The following DYNC1H1 variants were observed in gnomAD, a reference collection of about 807,000 sequenced individuals.
DYNC1H1 encodes the protein cytoplasmic dynein 1 heavy chain 1.
A neutral mutation model predicts 527.1 loss-of-function variants in DYNC1H1; 51 were observed. That is an observed-to-expected ratio of 0.10 (90% confidence interval 0.08 to 0.12). The LOEUF (loss-of-function observed/expected upper bound fraction) is 0.12. Ranked by LOEUF, DYNC1H1 falls within the 10% of genes least tolerant of loss-of-function variation. The pLI is 1.00. For missense variants in DYNC1H1, 2,771 were observed against 5,971.8 expected, an observed-to-expected ratio of 0.46 and a Z score of 17.66; for synonymous variants, 2,189 against 2,278.8, an observed-to-expected ratio of 0.96 and a Z score of 1.12.
chr14:101,984,397 A>ATGTGTG (rs1277013282), intron 7 of DYNC1H1, among the ~76,000 whole-genome samples: 16 of 90,004 alleles, frequency 1.8e-4, no homozygotes, highest in African/African-American at 3.0e-4. Context: ...ATATATGCGT[A>ATGTGTG]TATATGTGTG....
In DYNC1H1 at chr14:102,025,236, C is replaced by G. The variant is rs530069822; in HGVS notation, c.8638-1338C>G. On this transcript the variant is annotated intron_variant, in intron 43 of 77. Transcript: ENST00000360184. ...CCTTACCAACATGGTGAAAACCCATCTCTACTAAAAATACAAAAATTAGCC... is the reference window on the plus strand; with the variant it reads ...CCTTACCAACATGGTGAAAACCCATGTCTACTAAAAATACAAAAATTAGCC... Among the ~76,000 whole-genome samples the G allele has an allele frequency of 1.6e-4, 25 of 152,028 alleles. 1 individual carries two copies. Among genetic ancestry groups the G allele is most frequent in the Middle Eastern group, 3.4e-3 (1 of 294 alleles).
chr14:102,037,445 C>T (rs942396784), intron 57 of DYNC1H1: 29 of 142,978 alleles, frequency 2.0e-4, no homozygotes, highest in African/African-American at 7.5e-4. Context: ...AAAAAAAGAA[C>T]AAGAAAAATG....
intron 43 of DYNC1H1, chr14:102,023,294 TA>T: frequency 2.9e-6 from 1 of 344,904 alleles, no homozygotes. Flanking sequence ...CTCATGCCTG[TA>T]ATCCCAGCAC....
chr14:102,036,703 G>T lies in DYNC1H1; in HGVS notation c.10908+61G>T. 1 of 1,606,060 alleles carries T rather than the reference G, an allele frequency of 6.2e-7. No individual in the cohort carries two copies. Among genetic ancestry groups the T allele is most frequent in the Non-Finnish European group, 8.5e-7 (1 of 1,174,346 alleles). On this transcript the variant is annotated intron_variant, in intron 57 of 77. Coordinates refer to ENST00000360184, the MANE Select transcript of DYNC1H1 (RefSeq NM_001376.5). The surrounding 1 kb of genome is among the most constrained non-coding windows in gnomAD (Gnocchi z 5.6). ...TTCAAGAGTGAATTCCTTTTTGGGG[G>T]CTGCCTTTAGTTTTCAACTTTGTAA...
Position 102,041,076 on chromosome 14 carries a change from A to G in DYNC1H1, c.11941+403A>G, listed in dbSNP as rs745467755. On this transcript the variant is annotated intron_variant, in intron 64 of 77. Transcript: ENST00000360184. This position sits in a 1 kb window ranked among gnomAD's most constrained non-coding sequence, Gnocchi z 4.5. The stretch of plus-strand genomic sequence containing the variant: ...CTTAGAAGTAAATCAGAAATTTCCA[A>G]TTCCTATTCATCTCATGCTTAAAGA... 1.1e-5 allele frequency: 4 copies of G among 350,476 alleles called. No homozygotes were observed. The highest frequency in any genetic ancestry group is 5.0e-5 in the South Asian group (2 of 40,294). The allele number at this position is 350,476 out of a possible 1,614,324, so 21.7% of individuals were successfully genotyped here. A position where few individuals can be genotyped will look rare whatever the true frequency, so the allele number is the denominator to read the frequency against.
At chr14:101,995,155 T>C (rs2048044497) in intron 14 of DYNC1H1, 26 bp from the exon 15 acceptor site, 2 of 1,614,066 alleles carry the variant, frequency 1.2e-6, no homozygotes, top group African/African-American at 1.3e-5. Flanking sequence ...AGCTCTGTGA[T>C]GAAATACTCC....
At chr14:101,990,433 C>T (rs567908496) in intron 10 of DYNC1H1, among the ~76,000 whole-genome samples, 32 of 152,318 alleles carry the variant, frequency 2.1e-4, no homozygotes, top group African/African-American at 7.7e-4. Context: ...GAAGCAGCAC[C>T]TGCTGTCTGA....
intron 16 of DYNC1H1, among the ~76,000 whole-genome samples, chr14:101,998,366 A>G (rs190354326): frequency 2.2e-5 from 3 of 139,484 alleles, no homozygotes; most frequent in African/African-American, 8.3e-5. Flanking sequence ...CCCTCTATAA[A>G]CGCTGATCTG....
At chr14:102,030,133 C>T (rs928344391) in intron 50 of DYNC1H1, 29 bp from the exon 51 acceptor site, 2 of 1,613,996 alleles carry the variant, frequency 1.2e-6, no homozygotes, top group Non-Finnish European at 1.7e-6. Flanking sequence ...CAATGCTTAA[C>T]CCATACCTAA....
At position 102,044,599 on chromosome 14, in the gene DYNC1H1, G is replaced by A; in HGVS notation, c.12907G>A (p.Glu4303Lys). Residue 4303 changes from glutamate (E) to lysine (K), a missense_variant, in exon 72 of 78, where the codon GAG becomes AAG. Around this residue, in one of 32 missense-constraint regions of DYNC1H1, gnomAD observed 195 missense variants for 428.6 expected, o/e 0.45. Coordinates refer to ENST00000360184, the MANE Select transcript of DYNC1H1 (RefSeq NM_001376.5). This position sits in a 1 kb window ranked among gnomAD's most constrained non-coding sequence, Gnocchi z 7.1. ...CCAAATGCACTGGTTTTCTAGGCGAGAGGAGTTTGTGCAGTGGGTGGAGTT... is the reference window on the plus strand; with the variant it reads ...CCAAATGCACTGGTTTTCTAGGCGAAAGGAGTTTGTGCAGTGGGTGGAGTT... ...DIQMPDGIRR[E>K]EFVQWVELLP... The A allele has an allele frequency of 1.2e-6, 2 of 1,614,224 alleles. No homozygotes were observed. The highest frequency in any genetic ancestry group is 1.7e-6 in the Non-Finnish European group (2 of 1,180,040).
chr14:102,004,275 AACTT>A (rs1300347848), intron 23 of DYNC1H1, among the ~76,000 whole-genome samples: 1 of 151,946 alleles, frequency 6.6e-6, no homozygotes, highest in Non-Finnish European at 1.5e-5. Context: ...TAAATAAAGT[AACTT>A]ACTAAGGCAA....
At position 101,979,460 on chromosome 14, in the gene DYNC1H1, G is replaced by A; in HGVS notation, c.486G>A (p.Lys162=). ...FISNAVAPFF[K]SYIRESGKAD... ...GCAATGCAGTGGCTCCTTTTTTTAA[G>A]TCCTACATTAGAGAGTCTGGCAAGG... Residue 162 remains lysine (K), a synonymous_variant, in exon 3 of 78, where the codon AAG becomes AAA. Coordinates refer to ENST00000360184, the MANE Select transcript of DYNC1H1 (RefSeq NM_001376.5). The surrounding 1 kb of genome is among the most constrained non-coding windows in gnomAD (Gnocchi z 4.6). 6.2e-7 allele frequency: 1 copy of A among 1,614,026 alleles called. No individual in the cohort carries two copies. Among genetic ancestry groups the A allele is most frequent in the Non-Finnish European group, 8.5e-7 (1 of 1,180,016 alleles).
At position 102,016,598 on chromosome 14, in the gene DYNC1H1, T is replaced by C. The variant is rs902883759; in HGVS notation, c.7614+109T>C. Reference sequence around the variant, plus strand: ...GCTTCGTCTTTTCATTTTATTCCATTTCATAGAAGGACTTTATCCTTTTAG... The same window carrying C: ...GCTTCGTCTTTTCATTTTATTCCATCTCATAGAAGGACTTTATCCTTTTAG... On this transcript the variant is annotated intron_variant, in intron 37 of 77. Transcript: ENST00000360184. This position sits in a 1 kb window ranked among gnomAD's most constrained non-coding sequence, Gnocchi z 7.3. The C allele has an allele frequency of 2.5e-6, 4 of 1,597,874 alleles. No individual in the cohort carries two copies. In the Admixed American group the frequency reaches 6.7e-5, roughly 27 times the overall value.
Position 102,004,954 on chromosome 14 carries a change from A to G in DYNC1H1, c.5238+4A>G. ...CACTTGGATTGATAAATACCAGGTA[A>G]TCTATAGTAGAAGTGAGTGGGCTCG... is the stretch of plus-strand genomic sequence containing the variant. On this transcript the variant is annotated splice_donor_region_variant and intron_variant, in intron 25 of 77. Coordinates refer to ENST00000360184, the MANE Select transcript of DYNC1H1 (RefSeq NM_001376.5). 6.2e-7 allele frequency: 1 copy of G among 1,614,220 alleles called. No homozygotes were observed. Among genetic ancestry groups the G allele is most frequent in the Non-Finnish European group, 8.5e-7 (1 of 1,180,044 alleles).
At position 102,010,257 on chromosome 14, in the gene DYNC1H1, T is replaced by C. The variant is rs1186963488; in HGVS notation, c.6222-19T>C. ...AAGTATACTGTTATTAAAGATAGCC[T>C]TTTTTTCTTCTTTTCTAGACTATGC... On this transcript the variant is annotated intron_variant, in intron 30 of 77. Coordinates refer to ENST00000360184, the MANE Select transcript of DYNC1H1 (RefSeq NM_001376.5). The surrounding 1 kb of genome is among the most constrained non-coding windows in gnomAD (Gnocchi z 6.0). 1 of 1,613,564 alleles carries C rather than the reference T, an allele frequency of 6.2e-7. No homozygotes were observed. The highest frequency in any genetic ancestry group is 8.5e-7 in the Non-Finnish European group (1 of 1,179,976).
At chr14:102,031,917 G>A (rs992805487) in intron 51 of DYNC1H1, among the ~76,000 whole-genome samples, 2 of 152,328 alleles carry the variant, frequency 1.3e-5, no homozygotes, top group Middle Eastern at 6.8e-3. Context: ...TCGCACCACT[G>A]CACTCCAGCC....
chr14:102,047,077 G>C (rs2152599455), intron 72 of DYNC1H1, among the ~76,000 whole-genome samples: 1 of 140,788 alleles, frequency 7.1e-6, no homozygotes, highest in Middle Eastern at 4.2e-3. Flanking sequence ...CTGTGGGCGT[G>C]AGCCACTGTG....
chr14:102,004,728 C>A, intron 24 of DYNC1H1, 34 bp from the exon 25 acceptor site: 1 of 1,614,062 alleles, frequency 6.2e-7, no homozygotes, highest in African/African-American at 1.3e-5. Flanking sequence ...CACATTTTTG[C>A]ATACCTCATT....
intron 41 of DYNC1H1, among the ~76,000 whole-genome samples, 169 bp from the exon 42 acceptor site, chr14:102,019,724 C>G (rs766338096): frequency 1.3e-5 from 2 of 152,198 alleles, no homozygotes; most frequent in Non-Finnish European, 2.9e-5. Context: ...GCCTCAGCCT[C>G]CCTAGTAGCT....
Sources: gnomAD v4.1 joint callset for allele counts (sites outside exome capture counted in the v4.1 genomes callset) on GRCh38, gnomAD v4.1.1 for gene constraint, gnomAD v4.1.1 regional missense constraint, Gnocchi (gnomAD v3.1) non-coding constraint, MANE v1.5 for transcripts, NCBI Gene and HGNC (gene_info 2026-07-23, HGNC 2026-07-21) for gene names.